Variants in CACNA1H observed in about 807,000 individuals in gnomAD.
The protein encoded by CACNA1H is voltage-dependent T-type calcium channel subunit alpha-1H.
A neutral mutation model predicts 192.5 loss-of-function variants in CACNA1H; 149 were observed. The observed-to-expected ratio is 0.77, with a 90% CI of 0.68 to 0.89. The LOEUF (loss-of-function observed/expected upper bound fraction) is 0.89, where lower values mean the gene tolerates loss of function less well. CACNA1H is among the 40% of genes least tolerant of loss of function. The probability of loss-of-function intolerance (pLI) is 0.00; values close to 1 mark genes in which losing one functional copy is unlikely to be tolerated. For missense variants in CACNA1H, 4,257 were observed against 3,423.5 expected (o/e 1.24, Z -6.08); for synonymous variants, 2,202 against 1,475.2 (o/e 1.49, Z -11.29).
intron 29 of CACNA1H, 23 bp downstream of exon 29, chr16:1,215,398 G>A (rs531127059): frequency 2.1e-5 from 34 of 1,602,344 alleles, no homozygotes; most frequent in Non-Finnish European, 2.7e-5. Flanking sequence ...GTGCCCGCCA[G>A]GTTCTCTCTG....
chr16:1,175,434 A>G (rs929423760), intron 2 of CACNA1H, among the ~76,000 whole-genome samples: 3 of 152,128 alleles, frequency 2.0e-5, no homozygotes, highest in Non-Finnish European at 4.4e-5. Flanking sequence ...TGGGGCCCTC[A>G]GGACTCCCCA....
rs562279659 is a variant in CACNA1H, at chr16:1,195,833, G to T, written c.546-93G>T. ...GGTCCTCCGGGTGCCGGGCTGGCCGGTTCTATGCCTGCCCACCCTACTTTG... is the reference window on the plus strand; with the variant it reads ...GGTCCTCCGGGTGCCGGGCTGGCCGTTTCTATGCCTGCCCACCCTACTTTG... On this transcript the variant is annotated intron_variant, in intron 4 of 34. Transcript: ENST00000348261. 4.2e-5 allele frequency: 45 copies of T among 1,072,782 alleles called. No individual in the cohort carries two copies. The East Asian group carries it at 8.8e-4, about 21-fold the overall frequency. The allele number at this position is 1,072,782 out of a possible 1,614,324, so 66.5% of individuals were successfully genotyped here. A position where few individuals can be genotyped will look rare whatever the true frequency, so the allele number is the denominator to read the frequency against.
intron 2 of CACNA1H, among the ~76,000 whole-genome samples, chr16:1,185,477 A>G (rs1487620321): frequency 1.3e-5 from 2 of 149,334 alleles, no homozygotes; most frequent in Non-Finnish European, 3.0e-5. Flanking sequence ...CCAGACTCCC[A>G]CATGGACGCT....
intron 2 of CACNA1H, among the ~76,000 whole-genome samples, chr16:1,185,619 G>GT (rs1965933198): frequency 6.7e-6 from 1 of 149,532 alleles, no homozygotes; most frequent in Non-Finnish European, 1.5e-5. Context: ...GGCCGGAGGC[G>GT]GGGTACGTGG....
In CACNA1H at chr16:1,211,512, G is replaced by A; in HGVS notation, c.4382G>A (p.Gly1461Asp). Residue 1461 changes from glycine to aspartate, a missense_variant, in exon 23 of 35, where the codon GGC (glycine) becomes GAC (aspartate). Physicochemically the swap from Gly to Asp is moderately conservative, Grantham distance 94 (BLOSUM62 -1). Coordinates refer to ENST00000348261, the MANE Select transcript of CACNA1H (RefSeq NM_021098.3). Reference protein sequence around the residue: ...LFKGKFYYCEGPDTRNISTKA... With the variant: ...LFKGKFYYCEDPDTRNISTKA... The stretch of plus-strand genomic sequence containing the variant: ...AAAGGGAAGTTCTACTACTGCGAGG[G>A]CCCCGACACCAGGAACATCTCCACC... 1 of 1,612,470 alleles carries A rather than the reference G, an allele frequency of 6.2e-7. No individual in the cohort carries two copies. The highest frequency in any genetic ancestry group is 2.2e-5 in the East Asian group (1 of 44,870).
chr16:1,214,997 G>C lies in CACNA1H; in HGVS notation c.4955G>C (p.Cys1652Ser). 1.2e-6 allele frequency: 2 copies of C among 1,611,764 alleles called. No homozygotes were observed. The highest frequency in any genetic ancestry group is 4.5e-5 in the East Asian group (2 of 44,844). ...PKSLDEALKY[C>S]NYVFTIVFVF... ...TCGCTGGACGAGGCCCTCAAGTACT[G>C]CAACTACGTCTTCACCATCGTGTTT... The change falls in exon 28 of 35, where the codon TGC (cysteine) becomes TCC (serine). Residue 1652 changes from cysteine (C) to serine (S), a missense_variant. By Grantham distance (112) the Cys-to-Ser change is moderately radical. Coordinates refer to ENST00000348261, the MANE Select transcript of CACNA1H (RefSeq NM_021098.3).
At position 1,220,923 on chromosome 16, in the gene CACNA1H, T is replaced by C. The variant is rs753077813; in HGVS notation, c.6991T>C (p.Cys2331Arg). 4.1e-5 allele frequency: 66 copies of C among 1,610,856 alleles called. No individual in the cohort carries two copies. The highest frequency in any genetic ancestry group is 4.8e-5 in the Non-Finnish European group (57 of 1,178,780). Residue 2331 changes from cysteine to arginine, a missense_variant, in exon 35 of 35, where the codon TGT becomes CGT. Transcript: ENST00000348261. ...RRGLYLTVPQ[C>R]PLEKPGSPSA... is the part of the protein sequence containing the mutation. The stretch of plus-strand genomic sequence containing the variant: ...GGGGCTGTACCTCACAGTCCCCCAG[T>C]GTCCTCTGGAGAAACCAGGGTCCCC...
chr16:1,172,078 G>A lies in CACNA1H; in HGVS notation c.299+18042G>A, dbSNP rs1964421469. 2.0e-5 allele frequency among the ~76,000 whole-genome samples: 3 copies of A among 152,340 alleles called. No individual in the cohort carries two copies. The South Asian group carries it at 6.2e-4, about 32-fold the overall frequency. ...CAGCCTTCACTGAACTCTGAAGCCA[G>A]CCTGCAGGTGTCAGACGTCACCGGG... On this transcript the variant is annotated intron_variant, in intron 2 of 34. Coordinates refer to ENST00000348261, the MANE Select transcript of CACNA1H (RefSeq NM_021098.3).
chr16:1,212,795 C>A (rs920196945), intron 26 of CACNA1H, among the ~76,000 whole-genome samples: 1 of 152,358 alleles, frequency 6.6e-6, no homozygotes, highest in South Asian at 2.1e-4. Flanking sequence ...CCGCCCACAC[C>A]CCTGCAGGCT....
chr16:1,167,129 C>T lies in CACNA1H; in HGVS notation c.299+13093C>T, dbSNP rs560522612. Among the ~76,000 whole-genome samples, 4 of 152,312 alleles carry T rather than the reference C, an allele frequency of 2.6e-5. No homozygotes were observed. Among genetic ancestry groups the T allele is most frequent in the Admixed American group, 6.5e-5 (1 of 15,306 alleles). On this transcript the variant is annotated intron_variant, in intron 2 of 34. Transcript: ENST00000348261. This position sits in a 1 kb window ranked among gnomAD's most constrained non-coding sequence, Gnocchi z 4.2. ...GAGTCCAGGGCTGTGGGAGTGGACA[C>T]GGCCCTTCCTTTCCTCGCCGACCCT...
chr16:1,202,239 ACTGCCG>A lies in CACNA1H; in HGVS notation c.1795_1800del (p.Ala599_Ala600del), dbSNP rs774471985. ...GGCCCGGGTGGCACATGCCGCAGCC[ACTGCCG>A]CTGCCAGCCTCAGACTGGCCACAGG... On this transcript the variant is annotated inframe_deletion, in exon 9 of 35. Coordinates refer to ENST00000348261, the MANE Select transcript of CACNA1H (RefSeq NM_021098.3). 1.9e-6 allele frequency: 3 copies of A among 1,560,760 alleles called. No individual in the cohort carries two copies. The highest frequency in any genetic ancestry group is 2.6e-6 in the Non-Finnish European group (3 of 1,154,310).
Position 1,210,873 on chromosome 16 carries a change from C to G in CACNA1H, c.4125C>G (p.Ser1375=). 6.2e-7 allele frequency: 1 copy of G among 1,605,700 alleles called. No individual in the cohort carries two copies. The highest frequency in any genetic ancestry group is 8.5e-7 in the Non-Finnish European group (1 of 1,179,732). The change falls in exon 21 of 35, where the codon TCC becomes TCG. Residue 1375 remains serine, a synonymous_variant. Coordinates refer to ENST00000348261, the MANE Select transcript of CACNA1H (RefSeq NM_021098.3). ...NLLDGLLVLV[S]LVDIVVAMAS... ...TGGATGGGCTGCTGGTGCTGGTGTC[C>G]CTGGTGGACATTGTCGTGGCCATGG...
intron 2 of CACNA1H, among the ~76,000 whole-genome samples, chr16:1,174,497 G>C (rs1290357172): frequency 6.6e-6 from 1 of 152,114 alleles, no homozygotes; most frequent in Non-Finnish European, 1.5e-5. Flanking sequence ...CAGGGTGGCA[G>C]CTGGGGTGTG....
intron 2 of CACNA1H, chr16:1,157,608 C>T (rs1265200045): frequency 6.6e-6 from 1 of 152,282 alleles, no homozygotes; most frequent in Non-Finnish European, 1.5e-5. Flanking sequence ...CCCCGCAGGC[C>T]TCTCGTGGGC....
chr16:1,213,118 G>T lies in CACNA1H; in HGVS notation c.4777+590G>T, dbSNP rs561681213. On this transcript the variant is annotated intron_variant, in intron 26 of 34. Coordinates refer to ENST00000348261, the MANE Select transcript of CACNA1H (RefSeq NM_021098.3). ...CCTGGGGGACACACGCAGATGGCGGGCGCCGACTTCAGATGGTCTGGAGTC... is the reference window on the plus strand; with the variant it reads ...CCTGGGGGACACACGCAGATGGCGGTCGCCGACTTCAGATGGTCTGGAGTC... Among the ~76,000 whole-genome samples the T allele has an allele frequency of 4.6e-5, 7 of 152,366 alleles. No homozygotes were observed. The South Asian group carries it at 1.2e-3, about 27-fold the overall frequency.
At chr16:1,163,047 T>C (rs1963384647) in intron 2 of CACNA1H, among the ~76,000 whole-genome samples, 1 of 152,212 alleles carries the variant, frequency 6.6e-6, no homozygotes, top group East Asian at 1.9e-4. Context: ...CTCGTCTGAC[T>C]CTGTGTTTGC....
At chr16:1,188,690 A>G (rs1421482870) in intron 2 of CACNA1H, among the ~76,000 whole-genome samples, 2 of 152,072 alleles carry the variant, frequency 1.3e-5, no homozygotes, top group Non-Finnish European at 2.9e-5. Flanking sequence ...GCAGTTTGGG[A>G]GTCTTTTTCC....
chr16:1,213,629 C>A (rs1407537725), intron 26 of CACNA1H, 151 bp from the exon 27 acceptor site: 2 of 530,380 alleles, frequency 3.8e-6, no homozygotes, highest in Non-Finnish European at 6.5e-6. Context: ...GTGAGCCCTG[C>A]CATGAGGCAG....
intron 2 of CACNA1H, among the ~76,000 whole-genome samples, chr16:1,183,676 G>A (rs766369656): frequency 2.0e-5 from 3 of 152,242 alleles, no homozygotes; most frequent in African/African-American, 7.2e-5. Flanking sequence ...CCCGGGCACC[G>A]TCCCGTCCTG....
Sources: allele counts gnomAD v4.1 joint callset (sites outside exome capture counted in the v4.1 genomes callset), GRCh38; gene constraint gnomAD v4.1.1; non-coding constraint Gnocchi (gnomAD v3.1); transcripts MANE v1.5; gene names NCBI Gene and HGNC (gene_info 2026-07-23, HGNC 2026-07-21).